Variants in RBM12 observed in about 807,000 individuals in gnomAD.
The protein encoded by RBM12 is RNA binding motif protein 12.
Under a neutral mutation model 37.2 loss-of-function variants are expected in RBM12, and 24 were observed. The observed-to-expected ratio is 0.65, with a 90% CI of 0.47 to 0.91. RBM12 has a LOEUF of 0.91. Among genes scored for constraint, RBM12 ranks in the 40% least tolerant of loss-of-function variants. The probability of loss-of-function intolerance (pLI) is 0.00; values close to 1 mark genes in which losing one functional copy is unlikely to be tolerated. For missense variants in RBM12, 1,061 were observed against 1,183.2 expected (o/e 0.90, Z 1.52); for synonymous variants, 420 against 425.2 (o/e 0.99, Z 0.15).
In RBM12 at chr20:35,654,370, T is replaced by C. The variant is rs749818244; in HGVS notation, c.953A>G (p.Asn318Ser). 3.7e-6 allele frequency: 6 copies of C among 1,614,168 alleles called. No individual in the cohort carries two copies. The highest frequency in any genetic ancestry group is 1.1e-5 in the South Asian group (1 of 91,078). ...VHGMPFSAME[N>S]DVRDFFHGLR... ...CCCATGAAAAAAATCTCTGACATCA[T>C]TTTCCATTGCAGAAAAGGGCATTCC... is the stretch of plus-strand genomic sequence containing the variant. The change falls in exon 3 of 3, where the codon AAT becomes AGT. Residue 318 changes from asparagine to serine, a missense_variant. Around this residue, in one of 3 missense-constraint regions of RBM12, gnomAD observed 540 missense variants for 632.7 expected, o/e 0.85. Coordinates refer to ENST00000374114, the MANE Select transcript of RBM12 (RefSeq NM_006047.6).
In RBM12 at chr20:35,653,094, T is replaced by C; in HGVS notation, c.2229A>G (p.Gly743=). The C allele has an allele frequency of 6.2e-7, 1 of 1,613,852 alleles. No homozygotes were observed. The highest frequency in any genetic ancestry group is 8.5e-7 in the Non-Finnish European group (1 of 1,180,028). ...FGPPIPPPGL[G]GGAFGDARPG... is the part of the protein sequence containing the mutation. ...GCCTAGCATCACCAAAGGCCCCGCC[T>C]CCTAATCCTGGAGGAGGGATTGGTG... The change falls in exon 3 of 3, where the codon GGA becomes GGG. Residue 743 remains glycine (G), a synonymous_variant. Coordinates refer to ENST00000374114, the MANE Select transcript of RBM12 (RefSeq NM_006047.6).
Position 35,654,344 on chromosome 20 carries a change from G to T in RBM12, c.979C>A (p.Leu327Ile). The T allele has an allele frequency of 1.9e-6, 3 of 1,614,128 alleles. No homozygotes were observed. The South Asian group carries it at 3.3e-5, about 18-fold the overall frequency. Residue 327 changes from leucine (L) to isoleucine (I), a missense_variant, in exon 3 of 3, where the codon CTC (leucine) becomes ATC (isoleucine). Coordinates refer to ENST00000374114, the MANE Select transcript of RBM12 (RefSeq NM_006047.6). ...ENDVRDFFHG[L>I]RVDAVHLLKD... is the part of the protein sequence containing the mutation. Reference sequence around the variant, plus strand: ...AACAAATGCACTGCATCAACACGGAGCCCATGAAAAAAATCTCTGACATCA... The same window carrying T: ...AACAAATGCACTGCATCAACACGGATCCCATGAAAAAAATCTCTGACATCA...
Position 35,653,238 on chromosome 20 carries a change from T to C in RBM12, c.2085A>G (p.Ala695=), listed in dbSNP as rs759414324. The part of the protein sequence containing the change: ...AGLPGAGMPS[A]GIPSAGGEEH... ...CTTCACCTCCTGCACTAGGTATTCC[T>C]GCACTGGGCATTCCCGCACCAGGCA... Residue 695 remains alanine, a synonymous_variant, in exon 3 of 3, where the codon GCA becomes GCG. Coordinates refer to ENST00000374114, the MANE Select transcript of RBM12 (RefSeq NM_006047.6). The C allele has an allele frequency of 1.1e-5, 17 of 1,613,604 alleles. No individual in the cohort carries two copies. Among genetic ancestry groups the C allele is most frequent in the South Asian group, 3.3e-5 (3 of 91,092 alleles).
rs750363901 is a variant in RBM12, at chr20:35,654,302, G to A, written c.1021C>T (p.Arg341Ter). 3.1e-6 allele frequency: 5 copies of A among 1,613,982 alleles called. No individual in the cohort carries two copies. The highest frequency in any genetic ancestry group is 2.5e-6 in the Non-Finnish European group (3 of 1,180,022). ...TTAACCAATCCATTCCCATTATTTC[G>A]ACCTACATGATCTTTCAACAAATGC... is the stretch of plus-strand genomic sequence containing the variant. ...AVHLLKDHVGRNNGNGLVKFL... is the reference protein window; with the variant it reads ...AVHLLKDHVG The change falls in exon 3 of 3, where the codon CGA becomes TGA. Residue 341 changes from arginine (R) to a stop codon, truncating the protein, a stop_gained. Coordinates refer to ENST00000374114, the MANE Select transcript of RBM12 (RefSeq NM_006047.6). LOFTEE classifies it high-confidence loss of function.
intron 2 of RBM12, among the ~76,000 whole-genome samples, chr20:35,656,634 A>G (rs983047049): frequency 6.6e-6 from 1 of 152,344 alleles, no homozygotes. Flanking sequence ...TCCCAGGTTC[A>G]AGTAATTCTC....
rs1345736206 is a variant in RBM12, at chr20:35,650,332, G to A, written c.*2192C>T. 1.3e-5 allele frequency: 2 copies of A among 152,226 alleles called. No individual in the cohort carries two copies. Among genetic ancestry groups the A allele is most frequent in the African/African-American group, 4.8e-5 (2 of 41,432 alleles). The allele number at this position is 152,226 out of a possible 1,614,324, so 9.4% of individuals were successfully genotyped here. The stretch of plus-strand genomic sequence containing the variant: ...AATAACAAAGTAGTTGCAATAAAGT[G>A]TATGAAATATTTAATAAGAATGTAC... On this transcript the variant is annotated 3_prime_UTR_variant, in exon 3 of 3. Transcript: ENST00000374114.
rs1426942142 is a variant in RBM12 at position 35,653,477 on chromosome 20, C to T, written c.1846G>A (p.Val616Ile). 1 of 1,614,094 alleles carries T rather than the reference C, an allele frequency of 6.2e-7. No homozygotes were observed. The highest frequency in any genetic ancestry group is 8.5e-7 in the Non-Finnish European group (1 of 1,180,040). Residue 616 changes from valine to isoleucine, a missense_variant, in exon 3 of 3, where the codon GTT becomes ATT. Transcript: ENST00000374114. ...ATATCTTCTAGGGTAACTACATGAA[C>T]AAAAGCTTCTCTCCCATTAAGTTTT... ...RKKLNGREAF[V>I]HVVTLEDMRE... is the part of the protein sequence containing the mutation.
At position 35,654,637 on chromosome 20, in the gene RBM12, A is replaced by G. The variant is rs143201084; in HGVS notation, c.686T>C (p.Val229Ala). 107 of 1,614,084 alleles carry G rather than the reference A, an allele frequency of 6.6e-5. No individual in the cohort carries two copies. In the African/African-American group the frequency reaches 8.7e-4, roughly 13 times the overall value. Residue 229 changes from valine (V) to alanine (A), a missense_variant, in exon 3 of 3, where the codon GTT (valine) becomes GCT (alanine). Around this residue, in one of 3 missense-constraint regions of RBM12, gnomAD observed 540 missense variants for 632.7 expected, o/e 0.85. Transcript: ENST00000374114. ...PVPPVPPIPP[V>A]PSVPPMTPLP... ...TGGGGTCATGGGTGGCACAGAAGGA[A>G]CTGGGGGAATCGGGGGCACAGGAGG...
intron 1 of RBM12, 107 bp from the exon 2 acceptor site, chr20:35,659,121 T>TG: frequency 2.3e-6 from 1 of 433,668 alleles, no homozygotes; most frequent in South Asian, 6.0e-5. Flanking sequence ...ACCAGAGTAC[T>TG]TCATTAGAAT....
In RBM12 at chr20:35,649,470, C is replaced by A. The variant is rs1601459307; in HGVS notation, c.*3054G>T. ...GCCTTAACTACACTGAATATTACTA[C>A]CTGAAATTTTAAATAAAGTTTCCTA... On this transcript the variant is annotated 3_prime_UTR_variant, in exon 3 of 3. Coordinates refer to ENST00000374114, the MANE Select transcript of RBM12 (RefSeq NM_006047.6). 1 of 152,674 alleles carries A rather than the reference C, an allele frequency of 6.5e-6. No homozygotes were observed. The highest frequency in any genetic ancestry group is 2.1e-4 in the South Asian group (1 of 4,828). The allele number at this position is 152,674 out of a possible 1,614,324, so 9.5% of individuals were successfully genotyped here. A position where few individuals can be genotyped will look rare whatever the true frequency, so the allele number is the denominator to read the frequency against.
chr20:35,663,942 C>T (rs1203575418), intron 1 of RBM12, among the ~76,000 whole-genome samples: 2 of 152,240 alleles, frequency 1.3e-5, no homozygotes, highest in Non-Finnish European at 1.5e-5. Context: ...ATCTCGTCCT[C>T]CTGAAATGCC....
At position 35,655,138 on chromosome 20, in the gene RBM12, C is replaced by G; in HGVS notation, c.185G>C (p.Gly62Ala). 1 of 1,614,160 alleles carries G rather than the reference C, an allele frequency of 6.2e-7. No homozygotes were observed. ...TGTTACTTTTGACCCTTTAATTGTA[C>G]CACCTGTGCGCATCATACCAAGCCT... is the stretch of plus-strand genomic sequence containing the variant. ...DARLGMMRTG[G>A]TIKGSKVTLL... Residue 62 changes from glycine to alanine, a missense_variant, in exon 3 of 3, where the codon GGT becomes GCT. This residue lies in a region of RBM12 where 540 missense variants were observed against 632.7 expected (regional missense o/e 0.85). Transcript: ENST00000374114.
chr20:35,655,034 T>A lies in RBM12; in HGVS notation c.289A>T (p.Ile97Leu). ...GATCTACTGGCATTTGCTGGTGGTA[T>A]ATCTAAGTTGGCAGTTTCAAAACGC... ...RRRFETANLD[I>L]PPANASRSGP... Residue 97 changes from isoleucine (I) to leucine (L), a missense_variant, in exon 3 of 3, where the codon ATA becomes TTA. By Grantham distance (5) the Ile-to-Leu change is conservative. Transcript: ENST00000374114. 6.2e-7 allele frequency: 1 copy of A among 1,614,176 alleles called. No homozygotes were observed. Among genetic ancestry groups the A allele is most frequent in the African/African-American group, 1.3e-5 (1 of 75,032 alleles).
intron 1 of RBM12, among the ~76,000 whole-genome samples, chr20:35,661,621 G>A (rs149829686): frequency 2.1e-3 from 312 of 152,178 alleles, no homozygotes; most frequent in African/African-American, 7.2e-3. Context: ...ACAAAATACC[G>A]GATGCATGCA....
rs779146689 is a variant in RBM12, at chr20:35,654,085, G to T, written c.1238C>A (p.Ser413Ter). The T allele has an allele frequency of 6.2e-7, 1 of 1,614,180 alleles. No homozygotes were observed. Among genetic ancestry groups the T allele is most frequent in the Middle Eastern group, 1.6e-4 (1 of 6,062 alleles). ...CCTTGATCTTTTCTGCCCACTGGGC[G>T]ATTTTGACCTGGGAAGTGTCTGAGG... ...PPPQTLPRSK[S>*]PSGQKRSRSR... Residue 413 changes from serine (S) to a stop codon, truncating the protein, a stop_gained, in exon 3 of 3, where the codon TCG becomes TAG. Coordinates refer to ENST00000374114, the MANE Select transcript of RBM12 (RefSeq NM_006047.6). LOFTEE classifies it high-confidence loss of function.
intron 1 of RBM12, among the ~76,000 whole-genome samples, chr20:35,661,669 A>C (rs2034237872): frequency 1.3e-5 from 2 of 152,222 alleles, no homozygotes; most frequent in African/African-American, 4.8e-5. Flanking sequence ...TTAACATATT[A>C]TGGCAAGACA....
At position 35,652,812 on chromosome 20, in the gene RBM12, TGGGCCAGGGCCGGGGCCGGGGCCG is replaced by T. The variant is rs1163000877; in HGVS notation, c.2487_2510del (p.Gly830_Pro837del). 1.3e-6 allele frequency: 2 copies of T among 1,587,692 alleles called. No individual in the cohort carries two copies. The highest frequency in any genetic ancestry group is 1.3e-5 in the African/African-American group (1 of 74,300). On this transcript the variant is annotated inframe_deletion, in exon 3 of 3. Coordinates refer to ENST00000374114, the MANE Select transcript of RBM12 (RefSeq NM_006047.6). ...AGCCAGGGGGACCACCAATATGGAT[TGGGCCAGGGCCGGGGCCGGGGCCG>T]GGGCCAGGCCCAAAAGCTGGTGGCC...
intron 2 of RBM12, among the ~76,000 whole-genome samples, chr20:35,655,866 A>C (rs1397460399): frequency 6.6e-6 from 1 of 152,236 alleles, no homozygotes; most frequent in East Asian, 1.9e-4. Context: ...CTAGAATACT[A>C]ATGAATTGTA....
At position 35,658,939 on chromosome 20, in the gene RBM12, CAAG is replaced by C. The variant is rs1002639652; in HGVS notation, c.-35_-33del. 13 of 716,024 alleles carry C rather than the reference CAAG, an allele frequency of 1.8e-5. No homozygotes were observed. In the African/African-American group the frequency reaches 1.9e-4, roughly 11 times the overall value. 44.4% of individuals were successfully genotyped at this position (716,024 alleles called of 1,614,324 possible). A position where few individuals can be genotyped will look rare whatever the true frequency, so the allele number is the denominator to read the frequency against. ...ATTCAAAATCTCTTACCTGATAAAA[CAAG>C]AGATGAATTTCCTTAACAAGAAGTA... is the stretch of plus-strand genomic sequence containing the variant. On this transcript the variant is annotated 5_prime_UTR_variant, in exon 2 of 3. Transcript: ENST00000374114.
Sources: allele counts gnomAD v4.1 joint callset (sites outside exome capture counted in the v4.1 genomes callset), GRCh38; gene constraint gnomAD v4.1.1; regional missense constraint gnomAD v4.1.1; transcripts MANE v1.5; gene names NCBI Gene and HGNC (gene_info 2026-07-23, HGNC 2026-07-21).